Variants in TOMM70 observed in about 807,000 individuals in gnomAD.
TOMM70 encodes the protein translocase of outer mitochondrial membrane 70.
TOMM70 carries 13 observed loss-of-function variants against 73.6 expected under a neutral mutation model. The observed-to-expected ratio is 0.18, with a 90% confidence interval of 0.11 to 0.28. The LOEUF is 0.28. Ranked by LOEUF, TOMM70 falls within the 10% of genes least tolerant of loss-of-function variation. The pLI, the probability that TOMM70 is intolerant of heterozygous loss-of-function variation, is 1.00. For synonymous variants in TOMM70, 257 were observed against 271.2 expected (o/e 0.95, Z 0.51); for missense variants, 609 against 747.5 (o/e 0.81, Z 2.16).
chr3:100,381,547 A>C, intron 5 of TOMM70, 68 bp downstream of exon 5: 1 of 1,486,392 alleles, frequency 6.7e-7, no homozygotes, highest in Non-Finnish European at 9.1e-7. Flanking sequence ...CAGAACCCAT[A>C]TGGGCCCTAA....
At position 100,375,743 on chromosome 3, in the gene TOMM70, A is replaced by G. The variant is rs557544379; in HGVS notation, c.1093-591T>C. Among the ~76,000 whole-genome samples, 9 of 152,336 alleles carry G rather than the reference A, an allele frequency of 5.9e-5. No individual in the cohort carries two copies. In the South Asian group the frequency reaches 1.7e-3, roughly 28 times the overall value. The stretch of plus-strand genomic sequence containing the variant: ...TTTTAAAAAAGCTTTTTAAAAATAG[A>G]GATGAGATTTTGCTACGTTACCCAG... On this transcript the variant is annotated intron_variant, in intron 6 of 11. Coordinates refer to ENST00000284320, the MANE Select transcript of TOMM70 (RefSeq NM_014820.5).
At chr3:100,382,198 A>G (rs1004302046) in intron 4 of TOMM70, among the ~76,000 whole-genome samples, 1 of 152,228 alleles carries the variant, frequency 6.6e-6, no homozygotes, top group African/African-American at 2.4e-5. Context: ...TTTTAAATAA[A>G]TAAGTTTTAA....
intron 1 of TOMM70, among the ~76,000 whole-genome samples, chr3:100,393,740 C>T (rs1706790170): frequency 6.6e-6 from 1 of 152,028 alleles, no homozygotes; most frequent in African/African-American, 2.4e-5. Context: ...ATGAAAGCTA[C>T]AATATTAAGG....
At chr3:100,373,846 A>C in intron 7 of TOMM70, 1 of 428,782 alleles carries the variant, frequency 2.3e-6, no homozygotes, top group Non-Finnish European at 4.1e-6. Flanking sequence ...TATCCAACTT[A>C]TAGAAAGGAC....
rs896567735 is a variant in TOMM70, at chr3:100,365,338, A to G, written c.*226T>C. On this transcript the variant is annotated 3_prime_UTR_variant, in exon 12 of 12. Transcript: ENST00000284320. ...AACTTTATTTAAAAATCCCTTTAAC[A>G]TGTTCTAATCTTTTGTTGCACAGGG... is the stretch of plus-strand genomic sequence containing the variant. 2.0e-6 allele frequency: 1 copy of G among 503,914 alleles called. No individual in the cohort carries two copies. Among genetic ancestry groups the G allele is most frequent in the African/African-American group, 1.9e-5 (1 of 52,608 alleles). The allele number at this position is 503,914 out of a possible 1,614,324, so 31.2% of individuals were successfully genotyped here.
Position 100,372,671 on chromosome 3 carries a change from T to C in TOMM70, c.1387A>G (p.Lys463Glu), listed in dbSNP as rs778116115. ...NNSSQIQAAMKGFEEVIKKFP... is the reference protein window; with the variant it reads ...NNSSQIQAAMEGFEEVIKKFP... ...TTCTTTATGACCTCTTCAAAACCTT[T>C]CATAGCTGCTTGGATTTGTGAAGAG... The change falls in exon 9 of 12, where the codon AAA becomes GAA. Residue 463 changes from lysine (K) to glutamate (E), a missense_variant. By Grantham distance (56) the Lys-to-Glu change is moderately conservative. This residue lies in a region of TOMM70 where 432 missense variants were observed against 584.1 expected (regional missense o/e 0.74). Transcript: ENST00000284320. 5.0e-6 allele frequency: 8 copies of C among 1,614,134 alleles called. No individual in the cohort carries two copies. The highest frequency in any genetic ancestry group is 1.3e-5 in the African/African-American group (1 of 75,040).
Position 100,377,316 on chromosome 3 carries a change from T to A in TOMM70, c.1092+389A>T, listed in dbSNP as rs143453659. 2.5e-3 allele frequency: 416 copies of A among 165,878 alleles called. 4 individuals are homozygous for A. The highest frequency in any genetic ancestry group is 9.4e-3 in the African/African-American group (394 of 41,820). The allele number at this position is 165,878 out of a possible 1,614,324, so 10.3% of individuals were successfully genotyped here. A position where few individuals can be genotyped will look rare whatever the true frequency, so the allele number is the denominator to read the frequency against. ...ATACATTCTATTTTTAGAACCTTTC[T>A]GAATATATTAATGTGTTTTTATTAA... On this transcript the variant is annotated intron_variant, in intron 6 of 11. Coordinates refer to ENST00000284320, the MANE Select transcript of TOMM70 (RefSeq NM_014820.5).
intron 11 of TOMM70, among the ~76,000 whole-genome samples, chr3:100,367,214 T>C (rs1016063598): frequency 6.6e-6 from 1 of 151,558 alleles, no homozygotes; most frequent in South Asian, 2.1e-4. Context: ...CTCTGTCTCA[T>C]AAAAAGAAGA....
chr3:100,382,992 C>G (rs1008952583), intron 4 of TOMM70, among the ~76,000 whole-genome samples: 1 of 151,910 alleles, frequency 6.6e-6, no homozygotes, highest in African/African-American at 2.4e-5. Context: ...TTGTGATTTA[C>G]AAAGTGACAA....
At chr3:100,375,230 T>C (rs568629161) in intron 6 of TOMM70, 78 bp from the exon 7 acceptor site, 1 of 1,457,174 alleles carries the variant, frequency 6.9e-7, no homozygotes, top group East Asian at 2.5e-5. Context: ...AACAGCTTTT[T>C]TCTATAATCC....
chr3:100,380,394 A>C (rs1327216775), intron 5 of TOMM70, among the ~76,000 whole-genome samples: 1 of 152,156 alleles, frequency 6.6e-6, no homozygotes, highest in East Asian at 1.9e-4. Flanking sequence ...ATCAGATTAG[A>C]AGTAATCCCA....
intron 11 of TOMM70, among the ~76,000 whole-genome samples, chr3:100,366,594 A>G (rs1340036401): frequency 2.0e-5 from 3 of 152,256 alleles, no homozygotes; most frequent in African/African-American, 4.8e-5. Context: ...ACTTTTTTCA[A>G]GAGTTCATGT....
At chr3:100,384,407 G>T in intron 4 of TOMM70, 72 bp downstream of exon 4, 1 of 1,044,322 alleles carries the variant, frequency 9.6e-7, no homozygotes, top group Non-Finnish European at 1.4e-6. Context: ...CTAAGCTTAA[G>T]CAGCATAAAT....
chr3:100,365,281 T>C lies in TOMM70; in HGVS notation c.*283A>G. 1 of 322,560 alleles carries C rather than the reference T, an allele frequency of 3.1e-6. No homozygotes were observed. The highest frequency in any genetic ancestry group is 5.7e-6 in the Non-Finnish European group (1 of 175,960). 20.0% of individuals were successfully genotyped at this position (322,560 alleles called of 1,614,324 possible). On this transcript the variant is annotated 3_prime_UTR_variant, in exon 12 of 12. Coordinates refer to ENST00000284320, the MANE Select transcript of TOMM70 (RefSeq NM_014820.5). ...AAAAAATCAACAAATCAGTTTTTAT[T>C]TGCATGGCCAATTATCATTTGTACT...
At chr3:100,386,684 C>T in intron 2 of TOMM70, 121 bp downstream of exon 2, 4 of 1,210,152 alleles carry the variant, frequency 3.3e-6, no homozygotes, top group Non-Finnish European at 3.5e-6. Flanking sequence ...ATAAGAACAA[C>T]ATCCCATAAT....
At chr3:100,377,438 T>C in intron 6 of TOMM70, 1 of 402,288 alleles carries the variant, frequency 2.5e-6, no homozygotes, top group South Asian at 2.7e-5. Context: ...CAGTCCAATA[T>C]GGTAGGCAGT....
At chr3:100,375,769 G>GTAT (rs1706556266) in intron 6 of TOMM70, among the ~76,000 whole-genome samples, 1 of 152,048 alleles carries the variant, frequency 6.6e-6, no homozygotes, top group Non-Finnish European at 1.5e-5. Flanking sequence ...CGTTACCCAG[G>GTAT]GTAGTCTAGA....
At chr3:100,378,051 C>A in intron 5 of TOMM70, 139 bp from the exon 6 acceptor site, 1 of 641,694 alleles carries the variant, frequency 1.6e-6, no homozygotes, top group Non-Finnish European at 2.6e-6. Flanking sequence ...TCGAGACCAG[C>A]CTGGCCAACA....
chr3:100,377,405 T>C, intron 6 of TOMM70: 1 of 269,928 alleles, frequency 3.7e-6, no homozygotes, highest in Non-Finnish European at 7.2e-6. Flanking sequence ...GAATTGCATA[T>C]CACCTTTACC....
Sources: gnomAD v4.1 joint callset for allele counts (sites outside exome capture counted in the v4.1 genomes callset) on GRCh38, gnomAD v4.1.1 for gene constraint, gnomAD v4.1.1 regional missense constraint, MANE v1.5 for transcripts, NCBI Gene and HGNC (gene_info 2026-07-23, HGNC 2026-07-21) for gene names.